Variants in PTP4A1 observed in about 807,000 individuals in gnomAD.
PTP4A1 encodes protein tyrosine phosphatase type IVA 1.
A neutral mutation model predicts 20.5 loss-of-function variants in PTP4A1; 9 were observed. The ratio of observed to expected loss-of-function variants is 0.44; its 90% CI spans 0.26 to 0.77. The LOEUF (loss-of-function observed/expected upper bound fraction) is 0.77. Among genes scored for constraint, PTP4A1 ranks in the 30% least tolerant of loss-of-function variants. PTP4A1 has a pLI of 0.19. For synonymous variants in PTP4A1, 78 were observed against 67.4 expected, an observed-to-expected ratio of 1.16 and a Z score of -0.77; for missense variants, 137 against 218.8, an observed-to-expected ratio of 0.63 and a Z score of 2.36.
At chr6:63,523,199 T>A (rs1189280226) in intron 1 of PTP4A1, among the ~76,000 whole-genome samples, 1 of 152,120 alleles carries the variant, frequency 6.6e-6, no homozygotes, top group African/African-American at 2.4e-5. Flanking sequence ...ACATCACTCT[T>A]ACGAGTCATC....
intron 2 of PTP4A1, among the ~76,000 whole-genome samples, chr6:63,538,371 C>T (rs552062484): frequency 1.3e-5 from 2 of 152,256 alleles, no homozygotes; most frequent in Non-Finnish European, 2.9e-5. Flanking sequence ...AAAGAATAAA[C>T]TTGCAAAAAC....
upstream of PTP4A1, among the ~76,000 whole-genome samples, chr6:63,519,794 TA>T (rs1239632403): frequency 6.6e-6 from 1 of 152,188 alleles, no homozygotes; most frequent in Non-Finnish European, 1.5e-5. Context: ...AATAAACCAA[TA>T]AGAAAATTAG....
intron 3 of PTP4A1, among the ~76,000 whole-genome samples, chr6:63,560,684 G>A (rs947027988): frequency 5.9e-5 from 9 of 152,118 alleles, no homozygotes; most frequent in Middle Eastern, 3.2e-3. Context: ...GATTACAGGT[G>A]TGAGCCACCG....
At chr6:63,561,926 A>G (rs916533087) in intron 3 of PTP4A1, among the ~76,000 whole-genome samples, 6 of 152,238 alleles carry the variant, frequency 3.9e-5, no homozygotes, top group Non-Finnish European at 8.8e-5. Flanking sequence ...CAATAAGGCT[A>G]CAGACCTATC....
chr6:63,543,986 TG>T (rs1425775456), intron 2 of PTP4A1, among the ~76,000 whole-genome samples: 1 of 152,232 alleles, frequency 6.6e-6, no homozygotes. Context: ...CAGAGTTTAA[TG>T]AACTTTCAGA....
At chr6:63,541,823 A>G (rs1327567464) in intron 2 of PTP4A1, among the ~76,000 whole-genome samples, 1 of 152,016 alleles carries the variant, frequency 6.6e-6, no homozygotes, top group Non-Finnish European at 1.5e-5. Context: ...TACACCCTTA[A>G]TGGCTTCACC....
At chr6:63,553,393 CTG>C (rs1776535027) in intron 3 of PTP4A1, among the ~76,000 whole-genome samples, 1 of 152,190 alleles carries the variant, frequency 6.6e-6, no homozygotes, top group South Asian at 2.1e-4. Flanking sequence ...GTCTCCATGA[CTG>C]TGTGTTCAGT....
chr6:63,519,213 G>A (rs1332774521), upstream of PTP4A1, among the ~76,000 whole-genome samples: 2 of 151,966 alleles, frequency 1.3e-5, no homozygotes, highest in Admixed American at 6.6e-5. Flanking sequence ...AGGCTGTGGC[G>A]GGAGAATCAC....
chr6:63,564,320 A>G (rs1371255613), intron 3 of PTP4A1, among the ~76,000 whole-genome samples: 1 of 151,882 alleles, frequency 6.6e-6, no homozygotes, highest in Admixed American at 6.6e-5. Flanking sequence ...TTCTATACTC[A>G]TTTTCTCTTA....
chr6:63,549,092 T>C (rs868682960), intron 2 of PTP4A1: 8 of 708,132 alleles, frequency 1.1e-5, no homozygotes, highest in South Asian at 1.0e-4. Flanking sequence ...TGGTGTTAAC[T>C]CCTGCTCGAA....
intron 2 of PTP4A1, 99 bp from the exon 3 acceptor site, chr6:63,578,338 A>G (rs1778005217): frequency 2.3e-6 from 3 of 1,305,008 alleles, no homozygotes; most frequent in Non-Finnish European, 3.0e-6. Context: ...TCTTCTGTTA[A>G]CCAGCATACT....
intron 1 of PTP4A1, among the ~76,000 whole-genome samples, chr6:63,526,916 T>C (rs1036327295): frequency 7.8e-4 from 118 of 151,070 alleles, no homozygotes; most frequent in African/African-American, 2.6e-3. Flanking sequence ...AAATGTTGGA[T>C]TTATATGTAA....
rs757709853 is a variant in PTP4A1 at position 63,576,968 on chromosome 6, T to G, written c.88T>G (p.Leu30Val). The change falls in exon 2 of 6, where the codon TTA becomes GTA. Residue 30 changes from leucine (L) to valine (V), a missense_variant. Transcript: ENST00000626021. ...TACACACAATCCAACCAATGCGACC[T>G]TAAACAAATTTATAGAGGTAAGATT... ...LITHNPTNATLNKFIEELKKY... is the reference protein window; with the variant it reads ...LITHNPTNATVNKFIEELKKY... 12 of 1,611,184 alleles carry G rather than the reference T, an allele frequency of 7.4e-6. No homozygotes were observed. The highest frequency in any genetic ancestry group is 1.3e-5 in the African/African-American group (1 of 74,856).
chr6:63,559,934 G>A lies in PTP4A1; in HGVS notation c.-446+9441G>A, dbSNP rs1335455982. Among the ~76,000 whole-genome samples the A allele has an allele frequency of 2.0e-5, 3 of 151,976 alleles. No homozygotes were observed. The East Asian group carries it at 5.8e-4, about 29-fold the overall frequency. ...GATCCACCGTGCCTGGCCAGATGGT[G>A]TTTTTTCGTGACAACAGCAACCCAG... is the stretch of plus-strand genomic sequence containing the variant. On this transcript the variant is annotated intron_variant, in intron 3 of 3. Transcript: ENST00000639568.
intron 3 of PTP4A1, 35 bp downstream of exon 3, chr6:63,578,564 C>G (rs1778022158): frequency 6.3e-7 from 1 of 1,587,546 alleles, no homozygotes; most frequent in South Asian, 1.2e-5. Context: ...GTTTATGGTG[C>G]TGTGCTACAA....
chr6:63,578,943 G>A lies in PTP4A1; in HGVS notation c.244G>A (p.Asp82Asn). ...TGCACCACCATCCAACCAGATTGTTGATGACTGGTTAAGTCTTGTGAAAAT... is the reference window on the plus strand; with the variant it reads ...TGCACCACCATCCAACCAGATTGTTAATGACTGGTTAAGTCTTGTGAAAAT... Reference protein sequence around the residue: ...DGAPPSNQIVDDWLSLVKIKF... With the variant: ...DGAPPSNQIVNDWLSLVKIKF... Residue 82 changes from aspartate (D) to asparagine (N), a missense_variant, in exon 4 of 6, where the codon GAT (aspartate) becomes AAT (asparagine). By Grantham distance (23) the Asp-to-Asn change is conservative. Transcript: ENST00000626021. 1 of 1,602,692 alleles carries A rather than the reference G, an allele frequency of 6.2e-7. No homozygotes were observed. Among genetic ancestry groups the A allele is most frequent in the Non-Finnish European group, 8.5e-7 (1 of 1,175,736 alleles).
At chr6:63,540,261 G>C (rs60225418) in intron 2 of PTP4A1, among the ~76,000 whole-genome samples, 13,245 of 152,160 alleles carry the variant, frequency 0.087, 620 homozygotes, top group East Asian at 0.16. Context: ...GAGCCCAGAT[G>C]TATATAGAAT....
At chr6:63,519,069 C>CT (rs1774829777), upstream of PTP4A1, among the ~76,000 whole-genome samples, 5 of 152,300 alleles carry the variant, frequency 3.3e-5, no homozygotes, top group South Asian at 8.3e-4. Context: ...AATCCCAACA[C>CT]TTTGAGAGGC....
Position 63,581,408 on chromosome 6 carries a change from G to A in PTP4A1, c.*1234G>A, listed in dbSNP as rs1778214463. The stretch of plus-strand genomic sequence containing the variant: ...GTGTTCACCAGCTTGTAAAAACTTA[G>A]TGCGAGAGCTGAAACATCTAAATAA... On this transcript the variant is annotated 3_prime_UTR_variant, in exon 6 of 6. Transcript: ENST00000626021. 1.3e-5 allele frequency: 2 copies of A among 152,652 alleles called. No homozygotes were observed. The highest frequency in any genetic ancestry group is 2.1e-4 in the South Asian group (1 of 4,824). The allele number at this position is 152,652 out of a possible 1,614,324, so 9.5% of individuals were successfully genotyped here.
Sources: allele counts gnomAD v4.1 joint callset (sites outside exome capture counted in the v4.1 genomes callset), GRCh38; gene constraint gnomAD v4.1.1; transcripts MANE v1.5; gene names NCBI Gene and HGNC (gene_info 2026-07-23, HGNC 2026-07-21).